CERS3: variants seen among roughly 807,000 people sequenced by gnomAD.
CERS3 encodes LAG1 homolog, ceramide synthase 3.
A neutral mutation model predicts 50.3 loss-of-function variants in CERS3; 33 were observed. The ratio of observed to expected loss-of-function variants is 0.66; its 90% CI spans 0.50 to 0.88. The LOEUF is 0.88. CERS3 is among the 40% of genes least tolerant of loss of function. CERS3 has a pLI of 0.00. For synonymous variants in CERS3, 176 were observed against 155.2 expected, an observed-to-expected ratio of 1.13 and a Z score of -0.99; for missense variants, 470 against 460.3, an observed-to-expected ratio of 1.02 and a Z score of -0.19.
At chr15:100,487,792 T>C (rs985750351) in intron 4 of CERS3, among the ~76,000 whole-genome samples, 11 of 152,210 alleles carry the variant, frequency 7.2e-5, no homozygotes, top group African/African-American at 2.7e-4. Context: ...CTAAAAATGT[T>C]TGAATCTATG....
intron 2 of CERS3, 116 bp downstream of exon 2, chr15:100,521,551 C>G (rs1192755567): frequency 6.6e-6 from 1 of 152,108 alleles, no homozygotes; most frequent in African/African-American, 2.4e-5. Flanking sequence ...CCACTTGTCC[C>G]CAGAATATGC....
Position 100,426,633 on chromosome 15 carries a change from A to T in CERS3, c.1000-23768T>A, listed in dbSNP as rs181020576. The stretch of plus-strand genomic sequence containing the variant: ...CTGGATATATGTGTTGAAAGAGTGA[A>T]TGAATTAATCTAATACCATAGCATT... On this transcript the variant is annotated intron_variant, in intron 11 of 11. Transcript: ENST00000679737. Among the ~76,000 whole-genome samples, 4 of 152,344 alleles carry T rather than the reference A, an allele frequency of 2.6e-5. No individual in the cohort carries two copies. In the East Asian group the frequency reaches 7.7e-4, roughly 29 times the overall value.
chr15:100,415,870 TG>T (rs2031862049), intron 11 of CERS3, among the ~76,000 whole-genome samples: 1 of 152,040 alleles, frequency 6.6e-6, no homozygotes, highest in African/African-American at 2.4e-5. Flanking sequence ...GATAATGGGT[TG>T]ATAGGTGCAG....
intron 11 of CERS3, among the ~76,000 whole-genome samples, chr15:100,425,029 C>A (rs1313062584): frequency 6.6e-6 from 1 of 151,480 alleles, no homozygotes; most frequent in African/African-American, 2.4e-5. Flanking sequence ...TATAGTTAAG[C>A]CTGTGGGTGC....
chr15:100,496,542 T>A (rs2035820253), intron 3 of CERS3, among the ~76,000 whole-genome samples: 1 of 152,198 alleles, frequency 6.6e-6, no homozygotes, highest in African/African-American at 2.4e-5. Flanking sequence ...GGGTATTAAC[T>A]GAAAGCATTA....
intron 11 of CERS3, among the ~76,000 whole-genome samples, chr15:100,417,813 A>C (rs1004054345): frequency 2.0e-5 from 3 of 151,820 alleles, no homozygotes; most frequent in African/African-American, 7.3e-5. Context: ...ACCCCCCAGC[A>C]AGGGCACACT....
intron 11 of CERS3, among the ~76,000 whole-genome samples, chr15:100,413,773 GAAA>G (rs56131548): frequency 7.3e-6 from 1 of 137,342 alleles, no homozygotes; most frequent in African/African-American, 2.7e-5. Flanking sequence ...AGAAATACAA[GAAA>G]AAAAAAAAAA....
chr15:100,516,369 A>C (rs2142372726), intron 2 of CERS3, among the ~76,000 whole-genome samples: 1 of 152,338 alleles, frequency 6.6e-6, no homozygotes, highest in African/African-American at 2.4e-5. Context: ...CTGTCACTTA[A>C]TAGCTGAGTG....
At chr15:100,467,797 A>G (rs147361753) in intron 10 of CERS3, among the ~76,000 whole-genome samples, 3,441 of 99,310 alleles carry the variant, frequency 0.035, 150 homozygotes, top group South Asian at 0.064. Context: ...ATATATATGT[A>G]TATATATATA....
chr15:100,402,652 A>G lies in CERS3; in HGVS notation c.*61T>C. On this transcript the variant is annotated 3_prime_UTR_variant, in exon 12 of 12. Transcript: ENST00000679737. The stretch of plus-strand genomic sequence containing the variant: ...AATGTGGGGTCGGTGTGGGGCCTGG[A>G]AGCCAGGCTGCCAACAGTACTTGCA... The G allele has an allele frequency of 6.4e-7, 1 of 1,552,532 alleles. No homozygotes were observed. The highest frequency in any genetic ancestry group is 8.7e-7 in the Non-Finnish European group (1 of 1,143,764).
intron 10 of CERS3, among the ~76,000 whole-genome samples, chr15:100,467,135 G>A (rs149227307): frequency 6.6e-6 from 1 of 151,906 alleles, no homozygotes; most frequent in African/African-American, 2.4e-5. Context: ...GGATATAGGC[G>A]TGAGCCACTG....
intron 11 of CERS3, among the ~76,000 whole-genome samples, chr15:100,429,951 TTA>T (rs937182376): frequency 4.6e-5 from 7 of 151,022 alleles, no homozygotes; most frequent in African/African-American, 7.3e-5. Flanking sequence ...TTTTATATAT[TTA>T]TATATATATA....
At chr15:100,454,742 T>C (rs1054709271) in intron 11 of CERS3, among the ~76,000 whole-genome samples, 4 of 152,134 alleles carry the variant, frequency 2.6e-5, no homozygotes, top group Non-Finnish European at 4.4e-5. Context: ...AAGAAGCTTC[T>C]GTGCAGCAAA....
intron 11 of CERS3, among the ~76,000 whole-genome samples, chr15:100,451,976 T>C (rs1260278753): frequency 6.6e-6 from 1 of 152,162 alleles, no homozygotes; most frequent in Non-Finnish European, 1.5e-5. Flanking sequence ...CACTCAGATA[T>C]ATAAAGCAAA....
intron 10 of CERS3, among the ~76,000 whole-genome samples, chr15:100,465,646 C>T (rs2142222053): frequency 6.6e-6 from 1 of 151,336 alleles, no homozygotes; most frequent in East Asian, 1.9e-4. Context: ...AAAGTTTTTG[C>T]TGTTGTTTTG....
intron 11 of CERS3, among the ~76,000 whole-genome samples, chr15:100,419,789 C>G (rs1016147746): frequency 6.9e-6 from 1 of 145,268 alleles, no homozygotes; most frequent in Admixed American, 6.9e-5. Context: ...CACTCCAAAC[C>G]ACTCAACTAC....
At chr15:100,439,035 G>C (rs8028668) in intron 11 of CERS3, among the ~76,000 whole-genome samples, 1 of 152,152 alleles carries the variant, frequency 6.6e-6, no homozygotes, top group African/African-American at 2.4e-5. Context: ...TGTAATGTAT[G>C]GGCTAGTAGC....
chr15:100,463,919 C>T (rs1048055028), intron 10 of CERS3, among the ~76,000 whole-genome samples: 2 of 152,220 alleles, frequency 1.3e-5, no homozygotes, highest in African/African-American at 4.8e-5. Flanking sequence ...CCATCATTCC[C>T]TCATCCCGGG....
At chr15:100,456,084 C>T (rs774097891) in intron 10 of CERS3, 38 bp from the exon 11 acceptor site, 1 of 1,515,036 alleles carries the variant, frequency 6.6e-7, no homozygotes, top group Non-Finnish European at 8.9e-7. Flanking sequence ...TCATTACAAC[C>T]AAAGCACCTA....
Sources: allele counts gnomAD v4.1 joint callset (sites outside exome capture counted in the v4.1 genomes callset), GRCh38; gene constraint gnomAD v4.1.1; transcripts MANE v1.5; gene names NCBI Gene and HGNC (gene_info 2026-07-23, HGNC 2026-07-21).